The following CNTN5 variants were observed in gnomAD, a reference collection of about 807,000 sequenced individuals.
CNTN5 encodes the protein contactin-5.
In CNTN5, 77 loss-of-function variants were observed where a neutral mutation model predicts 129.1. That is an observed-to-expected ratio of 0.60 (90% CI 0.50 to 0.72). The LOEUF is 0.72. Ranked by LOEUF, CNTN5 falls within the 30% of genes least tolerant of loss-of-function variation. The pLI is 0.00. For synonymous variants in CNTN5, 509 were observed against 465.6 expected, an observed-to-expected ratio of 1.09 and a Z score of -1.20; for missense variants, 1,478 against 1,328.8, an observed-to-expected ratio of 1.11 and a Z score of -1.75.
At chr11:99,712,219 C>G (rs184463772) in intron 3 of CNTN5, among the ~76,000 whole-genome samples, 3 of 152,282 alleles carry the variant, frequency 2.0e-5, no homozygotes, top group Admixed American at 2.0e-4. Context: ...TTGCATTTCT[C>G]TAATGACCAG....
intron 1 of CNTN5, among the ~76,000 whole-genome samples, chr11:99,306,304 A>G (rs957812796): frequency 6.6e-6 from 1 of 152,162 alleles, no homozygotes; most frequent in Non-Finnish European, 1.5e-5. Flanking sequence ...TAGGAGCTTC[A>G]TTTTTCTCAT....
chr11:99,253,841 T>C (rs1862237779), intron 1 of CNTN5, among the ~76,000 whole-genome samples: 1 of 150,266 alleles, frequency 6.7e-6, no homozygotes, highest in Non-Finnish European at 1.5e-5. Flanking sequence ...TATAATAGTT[T>C]ATCTATGGAT....
At chr11:99,384,014 G>A (rs1476232506) in intron 2 of CNTN5, among the ~76,000 whole-genome samples, 1 of 152,180 alleles carries the variant, frequency 6.6e-6, no homozygotes. Flanking sequence ...AGTTCCACGG[G>A]TGATAAAACA....
chr11:99,671,479 G>C (rs1350377043), intron 3 of CNTN5, among the ~76,000 whole-genome samples: 1 of 152,046 alleles, frequency 6.6e-6, no homozygotes, highest in African/African-American at 2.4e-5. Flanking sequence ...GTGTGTATGA[G>C]AGTGAAACAC....
At chr11:100,048,750 G>A (rs2137724693) in intron 9 of CNTN5, among the ~76,000 whole-genome samples, 2 of 151,994 alleles carry the variant, frequency 1.3e-5, no homozygotes, top group South Asian at 4.1e-4. Flanking sequence ...TTTAGTCTCA[G>A]AAGATAGGGA....
intron 3 of CNTN5, among the ~76,000 whole-genome samples, chr11:99,760,992 T>A (rs962400391): frequency 1.3e-5 from 2 of 152,298 alleles, no homozygotes; most frequent in Non-Finnish European, 2.9e-5. Flanking sequence ...AATTGTTTAA[T>A]CATTGTCTCA....
chr11:99,647,932 G>A (rs960735210), intron 3 of CNTN5, among the ~76,000 whole-genome samples: 11 of 151,754 alleles, frequency 7.2e-5, no homozygotes, highest in Non-Finnish European at 1.3e-4. Context: ...GTTTTTCTTA[G>A]GGTTTTTAGG....
chr11:100,092,930 T>C (rs1591227306), intron 13 of CNTN5, among the ~76,000 whole-genome samples: 1 of 152,202 alleles, frequency 6.6e-6, no homozygotes, highest in South Asian at 2.1e-4. Flanking sequence ...CTGTAAATGT[T>C]AGTATTTCTG....
rs140768376 is a variant in CNTN5 at position 99,555,014 on chromosome 11, C to T, written c.-70-1131C>T. On this transcript the variant is annotated intron_variant, in intron 2 of 24. Coordinates refer to ENST00000524871, the MANE Select transcript of CNTN5 (RefSeq NM_014361.4). ...AACTTTCTTCTCCATTAATGATCCC[C>T]AAATATAAAGTTAAAATAGACTACC... Among the ~76,000 whole-genome samples the T allele has an allele frequency of 8.4e-3, 1,278 of 151,924 alleles. 25 individuals are homozygous for T. The highest frequency in any genetic ancestry group is 0.029 in the African/African-American group (1,208 of 41,450).
At chr11:100,275,991 A>C (rs1320715340) in intron 18 of CNTN5, among the ~76,000 whole-genome samples, 1 of 152,232 alleles carries the variant, frequency 6.6e-6, no homozygotes. Flanking sequence ...CCAGTATTTT[A>C]AAAGATAATG....
chr11:99,901,052 G>A (rs1949343571), intron 6 of CNTN5, among the ~76,000 whole-genome samples: 1 of 152,084 alleles, frequency 6.6e-6, no homozygotes, highest in Admixed American at 6.6e-5. Flanking sequence ...GCTTCTCTGA[G>A]CTTCAGTTTC....
chr11:99,916,229 G>C, intron 7 of CNTN5, 80 bp downstream of exon 7: 2 of 1,078,140 alleles, frequency 1.9e-6, no homozygotes, highest in Non-Finnish European at 2.7e-6. Context: ...TATATTGATG[G>C]GAGAACATTT....
Position 99,064,001 on chromosome 11 carries a change from T to C in CNTN5, c.-210+42731T>C, listed in dbSNP as rs368825237. 2.2e-4 allele frequency among the ~76,000 whole-genome samples: 33 copies of C among 152,232 alleles called. No homozygotes were observed. In the South Asian group the frequency reaches 6.6e-3, roughly 31 times the overall value. On this transcript the variant is annotated intron_variant, in intron 1 of 24. Coordinates refer to ENST00000524871, the MANE Select transcript of CNTN5 (RefSeq NM_014361.4). ...TGTGACTTGCTACTGCCTTTCACTG[T>C]CTAATTGATTCATTCATCCAGAATA...
intron 21 of CNTN5, among the ~76,000 whole-genome samples, chr11:100,314,354 C>T (rs2138940263): frequency 6.6e-6 from 1 of 152,222 alleles, no homozygotes; most frequent in East Asian, 1.9e-4. Context: ...GAAAAGAAGT[C>T]AAATTGAGAC....
At chr11:99,050,844 G>A (rs370679372) in intron 1 of CNTN5, among the ~76,000 whole-genome samples, 2 of 151,716 alleles carry the variant, frequency 1.3e-5, no homozygotes, top group Non-Finnish European at 2.9e-5. Flanking sequence ...GTTAATCACA[G>A]CATGTTTTTA....
chr11:99,790,859 A>G (rs1051152111), intron 3 of CNTN5, among the ~76,000 whole-genome samples: 1 of 151,994 alleles, frequency 6.6e-6, no homozygotes, highest in East Asian at 1.9e-4. Context: ...ATTAATTGCC[A>G]TTTTGACTGT....
chr11:99,646,598 A>G (rs1278575806), intron 3 of CNTN5, among the ~76,000 whole-genome samples: 1 of 152,136 alleles, frequency 6.6e-6, no homozygotes, highest in Admixed American at 6.6e-5. Context: ...GTTGGCATGC[A>G]CTTATGTCCT....
At chr11:100,098,280 G>T (rs940786232) in intron 13 of CNTN5, among the ~76,000 whole-genome samples, 1 of 152,044 alleles carries the variant, frequency 6.6e-6, no homozygotes, top group Admixed American at 6.6e-5. Flanking sequence ...TTCATCTTTT[G>T]TTGTATTCAA....
chr11:99,058,128 A>G (rs531690026), intron 1 of CNTN5, among the ~76,000 whole-genome samples: 2 of 152,160 alleles, frequency 1.3e-5, no homozygotes, highest in Admixed American at 6.6e-5. Flanking sequence ...GGAAGTTACT[A>G]TAAAGACTAT....
Sources: gnomAD v4.1 joint callset for allele counts (sites outside exome capture counted in the v4.1 genomes callset) on GRCh38, gnomAD v4.1.1 for gene constraint, MANE v1.5 for transcripts, NCBI Gene and HGNC (gene_info 2026-07-23, HGNC 2026-07-21) for gene names.